CACNA1A: variants seen among roughly 807,000 people sequenced by gnomAD.
CACNA1A encodes the protein calcium voltage-gated channel subunit alpha1 A, also known as voltage-dependent P/Q-type calcium channel subunit alpha-1A.
CACNA1A carries 57 observed loss-of-function variants against 262.4 expected under a neutral mutation model. That is an observed-to-expected ratio of 0.22 (90% confidence interval 0.18 to 0.27). CACNA1A has a LOEUF of 0.27. Ranked by LOEUF, CACNA1A falls within the 10% of genes least tolerant of loss-of-function variation. The probability of loss-of-function intolerance (pLI) is 1.00; values close to 1 mark genes in which losing one functional copy is unlikely to be tolerated. For missense variants in CACNA1A, 2,526 were observed against 3,562.8 expected, an observed-to-expected ratio of 0.71 and a Z score of 7.41; for synonymous variants, 1,431 against 1,419.3, an observed-to-expected ratio of 1.01 and a Z score of -0.18.
chr19:13,359,645 C>T lies in CACNA1A; in HGVS notation c.939G>A (p.Gln313=). 8.1e-6 allele frequency: 13 copies of T among 1,611,646 alleles called. No homozygotes were observed. Among genetic ancestry groups the T allele is most frequent in the Non-Finnish European group, 1.0e-5 (12 of 1,178,916 alleles). The part of the protein sequence containing the change: ...NILFAVLTVF[Q]CITMEGWTDL... ...CAGTCCACCCTTCCATGGTTATGCA[C>T]TGGAAAACAGTCAGCACTGCAAACA... is the stretch of plus-strand genomic sequence containing the variant. Residue 313 remains glutamine (Q), a synonymous_variant, in exon 6 of 47, where the codon CAG becomes CAA. Transcript: ENST00000360228.
chr19:13,455,672 A>C (rs1425431080), intron 1 of CACNA1A, among the ~76,000 whole-genome samples: 1 of 152,130 alleles, frequency 6.6e-6, no homozygotes, highest in Non-Finnish European at 1.5e-5. Context: ...AAGATGGTGA[A>C]GACTATAGAC....
At chr19:13,467,231 T>C (rs1348245146) in intron 1 of CACNA1A, among the ~76,000 whole-genome samples, 4 of 152,042 alleles carry the variant, frequency 2.6e-5, no homozygotes, top group African/African-American at 4.8e-5. Context: ...CTTTTCACCT[T>C]CTAAATGACA....
At chr19:13,244,549 CCAAGGAGAGGGT>C (rs898303163) in intron 31 of CACNA1A, 2 of 152,230 alleles carry the variant, frequency 1.3e-5, no homozygotes, top group Non-Finnish European at 2.9e-5. Context: ...TGGCAGATGG[CCAAGGAGAGGGT>C]CTAGGACAGG....
At chr19:13,376,785 T>C (rs1177929085) in intron 3 of CACNA1A, among the ~76,000 whole-genome samples, 1 of 110,676 alleles carries the variant, frequency 9.0e-6, no homozygotes, top group African/African-American at 3.9e-5. Context: ...ACATAATATA[T>C]GTGACATATA....
intron 1 of CACNA1A, among the ~76,000 whole-genome samples, chr19:13,496,036 C>T (rs1282095690): frequency 1.4e-5 from 2 of 142,800 alleles, no homozygotes; most frequent in African/African-American, 5.1e-5. Context: ...ATCCATGCAT[C>T]TGTTCAACCA....
At chr19:13,226,968 C>CG (rs2055476153) in intron 37 of CACNA1A, 1 of 152,658 alleles carries the variant, frequency 6.6e-6, no homozygotes, top group Admixed American at 6.5e-5. Flanking sequence ...GTGGCAGGGG[C>CG]GGGGACCCGG....
chr19:13,294,413 C>T (rs913504406), intron 19 of CACNA1A, among the ~76,000 whole-genome samples: 1 of 150,926 alleles, frequency 6.6e-6, no homozygotes, highest in Non-Finnish European at 1.5e-5. Flanking sequence ...TGGTCTCGAA[C>T]TCCTGGGCTC....
At chr19:13,374,771 T>C (rs1363965796) in intron 3 of CACNA1A, among the ~76,000 whole-genome samples, 1 of 152,196 alleles carries the variant, frequency 6.6e-6, no homozygotes, top group Non-Finnish European at 1.5e-5. Context: ...TGAGCACTAA[T>C]AACAAGCCAG....
At chr19:13,466,715 C>G (rs1338762810) in intron 1 of CACNA1A, among the ~76,000 whole-genome samples, 2 of 151,846 alleles carry the variant, frequency 1.3e-5, no homozygotes, top group African/African-American at 4.8e-5. Flanking sequence ...TCATCATCAT[C>G]ATCATCTGAC....
chr19:13,501,927 T>C (rs1982419827), intron 1 of CACNA1A, among the ~76,000 whole-genome samples: 1 of 152,086 alleles, frequency 6.6e-6, no homozygotes, highest in Non-Finnish European at 1.5e-5. Flanking sequence ...TTTTTGAAAA[T>C]ACTCCCATTG....
At chr19:13,279,797 G>GTTTATT (rs944067431) in intron 22 of CACNA1A, among the ~76,000 whole-genome samples, 17 of 150,588 alleles carry the variant, frequency 1.1e-4, no homozygotes, top group African/African-American at 4.2e-4. Flanking sequence ...GGCCCACTGT[G>GTTTATT]TTTATTTTTA....
intron 3 of CACNA1A, among the ~76,000 whole-genome samples, chr19:13,382,534 G>C (rs1479427700): frequency 6.6e-6 from 1 of 152,212 alleles, no homozygotes; most frequent in African/African-American, 2.4e-5. Flanking sequence ...TGTGGTAGGG[G>C]AGAGGTTGGG....
chr19:13,368,413 G>T (rs548064200), intron 4 of CACNA1A, among the ~76,000 whole-genome samples: 7 of 151,396 alleles, frequency 4.6e-5, no homozygotes, highest in African/African-American at 1.7e-4. Flanking sequence ...GCTCACTGCA[G>T]CCTTGACCTC....
chr19:13,343,827 A>G (rs2058714788), intron 6 of CACNA1A, among the ~76,000 whole-genome samples: 2 of 152,192 alleles, frequency 1.3e-5, no homozygotes, highest in African/African-American at 4.8e-5. Flanking sequence ...GATGCAGCAG[A>G]AGCAGTGCTG....
At chr19:13,476,951 C>T (rs1978622132) in intron 1 of CACNA1A, among the ~76,000 whole-genome samples, 1 of 152,132 alleles carries the variant, frequency 6.6e-6, no homozygotes, top group African/African-American at 2.4e-5. Context: ...GGTCACGTCC[C>T]TCCTCTGCTC....
chr19:13,421,056 G>A (rs2060308657), intron 3 of CACNA1A, among the ~76,000 whole-genome samples: 1 of 152,180 alleles, frequency 6.6e-6, no homozygotes, highest in South Asian at 2.1e-4. Context: ...TTTTGGGTCT[G>A]AGACTTCAGA....
intron 3 of CACNA1A, among the ~76,000 whole-genome samples, chr19:13,372,230 G>A (rs1229003782): frequency 6.6e-6 from 1 of 152,042 alleles, no homozygotes; most frequent in Non-Finnish European, 1.5e-5. Flanking sequence ...CTCCAATGGT[G>A]TGATCTCAGC....
At chr19:13,456,778 C>T (rs953525230) in intron 1 of CACNA1A, among the ~76,000 whole-genome samples, 31 of 152,178 alleles carry the variant, frequency 2.0e-4, no homozygotes, top group African/African-American at 7.2e-4. Context: ...CCAAAGAAGA[C>T]AGTCAAATGG....
Position 13,212,282 on chromosome 19 carries a change from G to C in CACNA1A, c.6190-66C>G, listed in dbSNP as rs1321062122. 2 of 1,577,092 alleles carry C rather than the reference G, an allele frequency of 1.3e-6. No individual in the cohort carries two copies. The highest frequency in any genetic ancestry group is 1.7e-6 in the Non-Finnish European group (2 of 1,148,720). On this transcript the variant is annotated intron_variant, in intron 42 of 46. Transcript: ENST00000360228. The surrounding 1 kb of genome is among the most constrained non-coding windows in gnomAD (Gnocchi z 5.6). The stretch of plus-strand genomic sequence containing the variant: ...GACCTCCAGATCCCTGGTGTCTGCA[G>C]AGGGAGGGAGCTGCAGGTGTGTGTG...
Sources: gnomAD v4.1 joint callset for allele counts (sites outside exome capture counted in the v4.1 genomes callset) on GRCh38, gnomAD v4.1.1 for gene constraint, Gnocchi (gnomAD v3.1) non-coding constraint, MANE v1.5 for transcripts, NCBI Gene and HGNC (gene_info 2026-07-23, HGNC 2026-07-21) for gene names.